The following NCOA3 variants were observed in gnomAD, a reference collection of about 807,000 sequenced individuals.
NCOA3 encodes nuclear receptor coactivator 3, also known as CBP-interacting protein.
In NCOA3, 51 loss-of-function variants were observed where a neutral mutation model predicts 158.8. The observed-to-expected ratio is 0.32, with a 90% confidence interval of 0.26 to 0.41. The LOEUF (loss-of-function observed/expected upper bound fraction) is 0.41. Ranked by LOEUF, NCOA3 falls within the 10% of genes least tolerant of loss-of-function variation. The pLI, the probability that NCOA3 is intolerant of heterozygous loss-of-function variation, is 1.00. For synonymous variants in NCOA3, 537 were observed against 592.4 expected, an observed-to-expected ratio of 0.91 and a Z score of 1.36; for missense variants, 1,510 against 1,746.6, an observed-to-expected ratio of 0.86 and a Z score of 2.41.
intron 1 of NCOA3, among the ~76,000 whole-genome samples, chr20:47,582,445 T>C (rs2085468174): frequency 1.3e-5 from 2 of 152,316 alleles, no homozygotes; most frequent in South Asian, 4.1e-4. Flanking sequence ...ACTCCTGACC[T>C]CATGTGATCC....
rs116693679 is a variant in NCOA3 at position 47,589,564 on chromosome 20, C to T, written c.-20+6303C>T. On this transcript the variant is annotated intron_variant, in intron 2 of 22. Coordinates refer to ENST00000371998, the MANE Select transcript of NCOA3 (RefSeq NM_181659.3). ...CTAATTTTTTTTTTTTAAGTAGTGACGGGGTTTTGCCATGTTGTCCAGGTT... is the reference window on the plus strand; with the variant it reads ...CTAATTTTTTTTTTTTAAGTAGTGATGGGGTTTTGCCATGTTGTCCAGGTT... Among the ~76,000 whole-genome samples the T allele has an allele frequency of 1.5e-3, 228 of 151,554 alleles. 2 individuals carry two copies. Among genetic ancestry groups the T allele is most frequent in the African/African-American group, 5.1e-3 (212 of 41,318 alleles).
chr20:47,542,923 C>G (rs541379684), intron 1 of NCOA3, among the ~76,000 whole-genome samples: 72 of 152,270 alleles, frequency 4.7e-4, no homozygotes, highest in Admixed American at 9.2e-4. Context: ...TGAGAACACA[C>G]CACTGTACTC....
intron 1 of NCOA3, among the ~76,000 whole-genome samples, chr20:47,511,899 A>G (rs1248287435): frequency 6.6e-6 from 1 of 152,104 alleles, no homozygotes; most frequent in East Asian, 1.9e-4. Context: ...ATGATGAGAG[A>G]TTACTTAATG....
In NCOA3 at chr20:47,654,774, G is replaced by T. The variant is rs2086847143; in HGVS notation, c.*1357G>T. 1 of 151,924 alleles carries T rather than the reference G, an allele frequency of 6.6e-6. No individual in the cohort carries two copies. The highest frequency in any genetic ancestry group is 6.6e-5 in the Admixed American group (1 of 15,242). 9.4% of individuals were successfully genotyped at this position (151,924 alleles called of 1,614,324 possible). On this transcript the variant is annotated 3_prime_UTR_variant, in exon 23 of 23. Transcript: ENST00000371998. ...GGAAATAAACTTAAAAAAAAATCAG[G>T]AATTTAAAAAAACGAGCAATTTGAA... is the stretch of plus-strand genomic sequence containing the variant.
At position 47,656,755 on chromosome 20, in the gene NCOA3, T is replaced by TG. The variant is rs2086884970; in HGVS notation, c.*3338_*3339insG. ...ATTATGTTGCTTAAAAAAATAGAAA[T>TG]TATTCTTTATCTTGCAAAGAATTGA... is the stretch of plus-strand genomic sequence containing the variant. On this transcript the variant is annotated 3_prime_UTR_variant, in exon 23 of 23. Coordinates refer to ENST00000371998, the MANE Select transcript of NCOA3 (RefSeq NM_181659.3). 1 of 152,586 alleles carries TG rather than the reference T, an allele frequency of 6.6e-6. No homozygotes were observed. Among genetic ancestry groups the TG allele is most frequent in the African/African-American group, 2.4e-5 (1 of 41,448 alleles). 9.5% of individuals were successfully genotyped at this position (152,586 alleles called of 1,614,324 possible). A position where few individuals can be genotyped will look rare whatever the true frequency, so the allele number is the denominator to read the frequency against.
Position 47,525,566 on chromosome 20 carries a change from A to AC in NCOA3, c.-99+23555dup, listed in dbSNP as rs569559539. 5.9e-4 allele frequency among the ~76,000 whole-genome samples: 72 copies of AC among 121,968 alleles called. 1 individual carries two copies. The highest frequency in any genetic ancestry group is 5.1e-3 in the South Asian group (19 of 3,704). 80.0% of individuals were successfully genotyped at this position (121,968 alleles called of 152,430 possible). A position where few individuals can be genotyped will look rare whatever the true frequency, so the allele number is the denominator to read the frequency against. On this transcript the variant is annotated intron_variant, in intron 1 of 22. Transcript: ENST00000371998. ...GGGCGGCTGGCCGGACGGGGGGCTG[A>AC]CCCCCCCCACCTCCCTCCTGGACGG... is the stretch of plus-strand genomic sequence containing the variant.
At chr20:47,514,802 C>T (rs2084206013) in intron 1 of NCOA3, among the ~76,000 whole-genome samples, 1 of 149,772 alleles carries the variant, frequency 6.7e-6, no homozygotes, top group Admixed American at 6.7e-5. Context: ...CTGCAACCTC[C>T]GCCTCCAGAG....
At chr20:47,581,637 A>T (rs1027081147) in intron 1 of NCOA3, among the ~76,000 whole-genome samples, 1 of 152,210 alleles carries the variant, frequency 6.6e-6, no homozygotes, top group Non-Finnish European at 1.5e-5. Context: ...TATGGTTGTT[A>T]TCTTGGTTCG....
intron 2 of NCOA3, among the ~76,000 whole-genome samples, chr20:47,588,181 C>T (rs1167295812): frequency 8.9e-6 from 1 of 112,610 alleles, no homozygotes; most frequent in Admixed American, 1.2e-4. Context: ...GTTGCTCAGG[C>T]TGGAGTGCAG....
chr20:47,556,644 T>C (rs2046433260), intron 1 of NCOA3, among the ~76,000 whole-genome samples: 1 of 152,120 alleles, frequency 6.6e-6, no homozygotes, highest in African/African-American at 2.4e-5. Flanking sequence ...TGTCTCAGCC[T>C]GCTGAGAAAC....
intron 1 of NCOA3, among the ~76,000 whole-genome samples, chr20:47,554,194 C>T (rs1023194244): frequency 6.6e-6 from 1 of 152,142 alleles, no homozygotes; most frequent in Non-Finnish European, 1.5e-5. Flanking sequence ...GCATAAATGT[C>T]TTCTTTTGAG....
intron 6 of NCOA3, 128 bp downstream of exon 6, chr20:47,627,304 C>G: frequency 1.3e-6 from 1 of 799,910 alleles, no homozygotes; most frequent in Non-Finnish European, 1.9e-6. Context: ...GATTTAATAG[C>G]AGAATTTTCA....
chr20:47,636,350 G>A lies in NCOA3; in HGVS notation c.1964G>A (p.Ser655Asn). 6.2e-7 allele frequency: 1 copy of A among 1,614,158 alleles called. No individual in the cohort carries two copies. The highest frequency in any genetic ancestry group is 1.1e-5 in the South Asian group (1 of 91,078). Reference sequence around the variant, plus strand: ...AAAGAATCTTCTGTTAGTGTCACCAGCCCCTCTGGAGTCTCCTCCTCTACA... The same window carrying A: ...AAAGAATCTTCTGTTAGTGTCACCAACCCCTCTGGAGTCTCCTCCTCTACA... ...SCKESSVSVT[S>N]PSGVSSSTSG... The change falls in exon 12 of 23, where the codon AGC becomes AAC. Residue 655 changes from serine (S) to asparagine (N), a missense_variant. Transcript: ENST00000371998.
intron 2 of NCOA3, among the ~76,000 whole-genome samples, chr20:47,607,555 G>GAA (rs1397716580): frequency 2.0e-5 from 3 of 152,018 alleles, no homozygotes; most frequent in Admixed American, 1.3e-4. Flanking sequence ...GAAATGAAAA[G>GAA]ATTTACTCAT....
intron 1 of NCOA3, among the ~76,000 whole-genome samples, chr20:47,558,232 ATTTTTTTTTT>A (rs71183263): frequency 0.21 from 11,799 of 55,784 alleles, 762 homozygotes; most frequent in Middle Eastern, 0.48. Context: ...CTAATTTTGT[ATTTTTTTTTT>A]TTTTTTTTTT....
At chr20:47,537,093 G>A (rs868782315) in intron 1 of NCOA3, among the ~76,000 whole-genome samples, 2 of 152,078 alleles carry the variant, frequency 1.3e-5, no homozygotes, top group African/African-American at 4.8e-5. Context: ...ACAGGCGTGA[G>A]CCACCGCGCC....
chr20:47,555,661 C>G (rs1360939923), intron 1 of NCOA3, among the ~76,000 whole-genome samples: 2 of 101,450 alleles, frequency 2.0e-5, no homozygotes, highest in East Asian at 2.9e-4. Flanking sequence ...TTTTTTGGGA[C>G]AGAGTCTCGC....
intron 2 of NCOA3, among the ~76,000 whole-genome samples, chr20:47,600,618 A>G (rs1243919146): frequency 6.8e-6 from 1 of 147,232 alleles, no homozygotes; most frequent in Non-Finnish European, 1.5e-5. Context: ...TTCCAAGCTC[A>G]GTCCTGCCAC....
intron 18 of NCOA3, 114 bp downstream of exon 18, chr20:47,647,480 T>C: frequency 1.0e-6 from 1 of 980,794 alleles, no homozygotes; most frequent in Non-Finnish European, 1.5e-6. Context: ...GAAATTCTTT[T>C]TGTTTTACTT....
Sources: gnomAD v4.1 joint callset for allele counts (sites outside exome capture counted in the v4.1 genomes callset) on GRCh38, gnomAD v4.1.1 for gene constraint, MANE v1.5 for transcripts, NCBI Gene and HGNC (gene_info 2026-07-23, HGNC 2026-07-21) for gene names.